The following AIRIM variants were observed in gnomAD, a reference collection of about 807,000 sequenced individuals.
AIRIM encodes the protein AFG2-interacting ribosome maturation factor.
chr1:37,688,947 C>G, the AIRIM span, among the ~76,000 whole-genome samples: 1 of 128,250 alleles, frequency 7.8e-6, no homozygotes, highest in East Asian at 2.3e-4. Context: ...GCCTGAGTGA[C>G]AGAGCAAGAC....
At chr1:37,685,563 T>A in the AIRIM span, among the ~76,000 whole-genome samples, 1 of 151,846 alleles carries the variant, frequency 6.6e-6, no homozygotes, top group Non-Finnish European at 1.5e-5. Context: ...AATTTTTGTA[T>A]TTTTTGTAGA....
chr1:37,689,803 G>A, the AIRIM span: 2 of 1,611,718 alleles, frequency 1.2e-6, no homozygotes, highest in African/African-American at 1.3e-5. Context: ...TCTGCCACAG[G>A]CCCTGCTGCT....
At chr1:37,690,511 C>T in the AIRIM span, 1 of 1,193,040 alleles carries the variant, frequency 8.4e-7, no homozygotes, top group Non-Finnish European at 1.1e-6. Flanking sequence ...CACCACGCGC[C>T]CACAGTCTCT....
chr1:37,684,696 A>G, the AIRIM span, among the ~76,000 whole-genome samples: 1 of 152,232 alleles, frequency 6.6e-6, no homozygotes, highest in African/African-American at 2.4e-5. Context: ...TGAGGGCTAG[A>G]TTGAGGAGTT....
At chr1:37,686,330 G>A in the AIRIM span, 1 of 1,614,014 alleles carries the variant, frequency 6.2e-7, no homozygotes, top group Non-Finnish European at 8.5e-7. Context: ...AGCCACAGAG[G>A]GGCTCACTGC....
At chr1:37,690,000 A>G in the AIRIM span, 3 of 1,429,108 alleles carry the variant, frequency 2.1e-6, no homozygotes, top group Non-Finnish European at 1.8e-6. Flanking sequence ...GAGTTGTCTC[A>G]CCTCCAGAAG....
At chr1:37,689,913 C>A in the AIRIM span, 1 of 1,511,138 alleles carries the variant, frequency 6.6e-7, no homozygotes, top group Non-Finnish European at 8.8e-7. Flanking sequence ...CAGAAAATAA[C>A]CACGTTGGGG....
the AIRIM span, chr1:37,686,191 T>TA: frequency 1.5e-6 from 2 of 1,328,636 alleles, no homozygotes; most frequent in Non-Finnish European, 1.0e-6. Context: ...TCAAACTACT[T>TA]AGTTTTCCAA....
the AIRIM span, among the ~76,000 whole-genome samples, chr1:37,686,117 T>C: frequency 1.3e-5 from 2 of 152,164 alleles, no homozygotes; most frequent in Non-Finnish European, 2.9e-5. Flanking sequence ...GATAAATTAT[T>C]AGAGGAAGGA....
chr1:37,682,497 G>GT, the AIRIM span: 1 of 152,602 alleles, frequency 6.6e-6, no homozygotes, highest in African/African-American at 2.4e-5. Context: ...CTCTGAGATG[G>GT]TAACAGCAAT....
At chr1:37,689,464 C>T in the AIRIM span, 2 of 1,003,888 alleles carry the variant, frequency 2.0e-6, no homozygotes, top group Middle Eastern at 3.5e-4. Flanking sequence ...CCCACTGCCC[C>T]AGATGAAGTA....
chr1:37,682,451 T>G, the AIRIM span: 37,627 of 152,356 alleles, frequency 0.25, 4,792 homozygotes, highest in Middle Eastern at 0.3. Context: ...AAAAAACTCC[T>G]GTCATTTTAG....
chr1:37,690,055 C>A, the AIRIM span: 1 of 1,409,464 alleles, frequency 7.1e-7, no homozygotes. Flanking sequence ...GTCTCACTGT[C>A]GCCCAGGCTG....
chr1:37,685,192 TGGG>T, the AIRIM span, among the ~76,000 whole-genome samples: 1 of 44,788 alleles, frequency 2.2e-5, no homozygotes, highest in African/African-American at 9.1e-5. Flanking sequence ...TGCTTTTTTT[TGGG>T]GGGGGGGGGT....
the AIRIM span, chr1:37,683,190 T>C: frequency 8.7e-6 from 14 of 1,604,792 alleles, no homozygotes; most frequent in African/African-American, 1.7e-4. Context: ...AAAATGGCAT[T>C]ATCACCTCTC....
the AIRIM span, chr1:37,689,394 C>T: frequency 8.2e-5 from 44 of 539,780 alleles, no homozygotes; most frequent in Non-Finnish European, 1.4e-4. Context: ...ACTAAGCCCA[C>T]CACTGCCATG....
chr1:37,688,880 C>A, the AIRIM span, among the ~76,000 whole-genome samples: 1 of 150,242 alleles, frequency 6.7e-6, no homozygotes, highest in Non-Finnish European at 1.5e-5. Context: ...GTGGGAGGAT[C>A]GCTTGAACCA....
the AIRIM span, among the ~76,000 whole-genome samples, chr1:37,689,038 G>A: frequency 3.2e-4 from 49 of 151,324 alleles, 1 homozygote; most frequent in South Asian, 4.0e-3. Flanking sequence ...ACTTGGAGAC[G>A]TGCTACTCCT....
chr1:37,683,221 G>A, the AIRIM span: 4 of 1,605,134 alleles, frequency 2.5e-6, no homozygotes, highest in East Asian at 8.9e-5. Flanking sequence ...AAAACACACA[G>A]AGGCACAGCA....
Sources: gnomAD v4.1 joint callset for allele counts (sites outside exome capture counted in the v4.1 genomes callset) on GRCh38, gnomAD v4.1.1 for gene constraint, MANE v1.5 for transcripts, NCBI Gene and HGNC (gene_info 2026-07-23, HGNC 2026-07-21) for gene names.